The following SUPT3H variants were observed in gnomAD, a reference collection of about 807,000 sequenced individuals.
The protein encoded by SUPT3H is SPT3 homolog, SAGA and STAGA complex component.
A neutral mutation model predicts 44.3 loss-of-function variants in SUPT3H; 44 were observed. The observed-to-expected ratio is 0.99, with a 90% CI of 0.78 to 1.28. The LOEUF is 1.28. Among genes scored for constraint, SUPT3H ranks in the 50% most tolerant of loss-of-function variants. The pLI is 0.00. For missense variants in SUPT3H, 380 were observed against 387.1 expected (o/e 0.98, Z 0.15); for synonymous variants, 124 against 125.6 (o/e 0.99, Z 0.09).
At chr6:45,064,271 TCAC>T (rs1301878589) in intron 3 of SUPT3H, among the ~76,000 whole-genome samples, 1 of 146,792 alleles carries the variant, frequency 6.8e-6, no homozygotes, top group Non-Finnish European at 1.5e-5. Context: ...AGAGATTTTG[TCAC>T]CACTAGGCCT....
chr6:45,092,712 C>T (rs938860610), intron 3 of SUPT3H, among the ~76,000 whole-genome samples: 2 of 146,026 alleles, frequency 1.4e-5, no homozygotes, highest in African/African-American at 5.2e-5. Flanking sequence ...ATTGTGCCAT[C>T]GCACTCCAGC....
At chr6:44,969,810 A>G (rs1450579009) in intron 6 of SUPT3H, among the ~76,000 whole-genome samples, 1 of 150,554 alleles carries the variant, frequency 6.6e-6, no homozygotes, top group Non-Finnish European at 1.5e-5. Context: ...CAGTGGTGCT[A>G]ATTTGTTTCC....
intron 10 of SUPT3H, among the ~76,000 whole-genome samples, chr6:44,928,868 A>G (rs1411004106): frequency 3.0e-5 from 4 of 135,500 alleles, no homozygotes; most frequent in South Asian, 2.4e-4. Context: ...GGGCGACAGA[A>G]CGAGACTCCG....
At chr6:45,276,494 C>T (rs1477844535) in intron 2 of SUPT3H, among the ~76,000 whole-genome samples, 1 of 152,096 alleles carries the variant, frequency 6.6e-6, no homozygotes, top group African/African-American at 2.4e-5. Context: ...CACCCCTCCC[C>T]ATATCTGTAT....
At chr6:44,811,205 C>G (rs1330861979) in intron 11 of SUPT3H, among the ~76,000 whole-genome samples, 1 of 152,160 alleles carries the variant, frequency 6.6e-6, no homozygotes, top group Admixed American at 6.5e-5. Context: ...GTTTCTCAGG[C>G]TTTCCTTGAC....
At chr6:45,237,385 A>G (rs1305441999) in intron 2 of SUPT3H, among the ~76,000 whole-genome samples, 1 of 152,198 alleles carries the variant, frequency 6.6e-6, no homozygotes, top group Non-Finnish European at 1.5e-5. Flanking sequence ...ACAACCTGGG[A>G]ATATTCAACC....
chr6:45,270,298 T>TA (rs988222210), intron 2 of SUPT3H, among the ~76,000 whole-genome samples: 110 of 148,128 alleles, frequency 7.4e-4, no homozygotes, highest in Middle Eastern at 3.4e-3. Flanking sequence ...TTAACTATAT[T>TA]AAAAAAAAAA....
chr6:45,171,381 T>A (rs1810743863), intron 2 of SUPT3H, among the ~76,000 whole-genome samples: 1 of 152,130 alleles, frequency 6.6e-6, no homozygotes, highest in African/African-American at 2.4e-5. Flanking sequence ...TTTTACAACA[T>A]AAACAAGGCA....
chr6:45,018,748 C>T (rs1265837753), intron 4 of SUPT3H, among the ~76,000 whole-genome samples: 1 of 151,960 alleles, frequency 6.6e-6, no homozygotes, highest in African/African-American at 2.4e-5. Flanking sequence ...ATTCAGTTTG[C>T]CAGTATTTTA....
In SUPT3H at chr6:45,171,713, C is replaced by CTTTTTTTTTTTTTTTTTTTTTT. The variant is rs777154020; in HGVS notation, c.102-65729_102-65708dup. ...AAGGCATTAACAAAAATTCCACTTG[C>CTTTTTTTTTTTTTTTTTTTTTT]TTTTTTTTTTTTTTTTTTTTTTTTG... On this transcript the variant is annotated intron_variant, in intron 2 of 10. Coordinates refer to ENST00000371459, the MANE Select transcript of SUPT3H (RefSeq NM_003599.4). 2.1e-5 allele frequency among the ~76,000 whole-genome samples: 2 copies of CTTTTTTTTTTTTTTTTTTTTTT among 93,474 alleles called. 1 individual carries two copies. The allele number at this position is 93,474 out of a possible 152,430, so 61.3% of individuals were successfully genotyped here. A position where few individuals can be genotyped will look rare whatever the true frequency, so the allele number is the denominator to read the frequency against.
intron 10 of SUPT3H, among the ~76,000 whole-genome samples, chr6:44,890,223 T>C (rs372334986): frequency 0.018 from 2,728 of 148,914 alleles, 33 homozygotes; most frequent in South Asian, 0.078. Flanking sequence ...GATCTAGAAC[T>C]AGAAATACCA....
chr6:45,260,512 A>G (rs1337036981), intron 2 of SUPT3H, among the ~76,000 whole-genome samples: 1 of 152,194 alleles, frequency 6.6e-6, no homozygotes, highest in East Asian at 1.9e-4. Context: ...TGATTGAATG[A>G]TAATCATAAT....
At chr6:45,328,435 A>G (rs1343326254) in intron 2 of SUPT3H, 1 of 1,453,124 alleles carries the variant, frequency 6.9e-7, no homozygotes, top group African/African-American at 1.4e-5. Flanking sequence ...GCAGGTCACT[A>G]CCAGCCACCG....
intron 3 of SUPT3H, among the ~76,000 whole-genome samples, chr6:45,056,408 T>C (rs993186277): frequency 3.3e-5 from 5 of 152,174 alleles, no homozygotes; most frequent in East Asian, 1.9e-4. Context: ...CAATTCACAA[T>C]TGCAAAAATA....
chr6:45,303,976 C>CAA (rs1241434882), intron 2 of SUPT3H, among the ~76,000 whole-genome samples: 9 of 92,468 alleles, frequency 9.7e-5, no homozygotes, highest in South Asian at 3.4e-4. Flanking sequence ...GACTCTGTCT[C>CAA]AAAAAAAAAA....
intron 10 of SUPT3H, among the ~76,000 whole-genome samples, chr6:44,858,953 G>GA (rs927814490): frequency 6.6e-6 from 1 of 151,970 alleles, no homozygotes; most frequent in South Asian, 2.1e-4. Flanking sequence ...AAAGATAAAA[G>GA]AAAAAAAGAA....
intron 2 of SUPT3H, among the ~76,000 whole-genome samples, chr6:45,188,450 T>G (rs1389622147): frequency 1.3e-5 from 2 of 152,204 alleles, no homozygotes; most frequent in African/African-American, 4.8e-5. Context: ...AGGCATTAAA[T>G]TTGTGGAAGA....
chr6:44,905,720 T>C (rs558019483), intron 10 of SUPT3H, among the ~76,000 whole-genome samples: 3 of 152,170 alleles, frequency 2.0e-5, no homozygotes, highest in Non-Finnish European at 2.9e-5. Context: ...CACATGCACA[T>C]GTATGTTTAT....
At chr6:45,186,226 CA>C (rs781390227) in intron 2 of SUPT3H, among the ~76,000 whole-genome samples, 1 of 152,004 alleles carries the variant, frequency 6.6e-6, no homozygotes, top group African/African-American at 2.4e-5. Context: ...TCAACAACAA[CA>C]AAAAACATTC....
Sources: gnomAD v4.1 joint callset for allele counts (sites outside exome capture counted in the v4.1 genomes callset) on GRCh38, gnomAD v4.1.1 for gene constraint, MANE v1.5 for transcripts, NCBI Gene and HGNC (gene_info 2026-07-23, HGNC 2026-07-21) for gene names.